The following SLC24A4 variants were observed in gnomAD, a reference collection of about 807,000 sequenced individuals.
SLC24A4 encodes the protein sodium/potassium/calcium exchanger 4.
SLC24A4 carries 53 observed loss-of-function variants against 79.0 expected under a neutral mutation model. That is an observed-to-expected ratio of 0.67 (90% confidence interval 0.54 to 0.84). The LOEUF is 0.84. Ranked by LOEUF, SLC24A4 falls within the 40% of genes least tolerant of loss-of-function variation. SLC24A4 has a pLI of 0.00. For synonymous variants in SLC24A4, 323 were observed against 323.8 expected (o/e 1.00, Z 0.03); for missense variants, 731 against 822.0 (o/e 0.89, Z 1.35).
intron 2 of SLC24A4, among the ~76,000 whole-genome samples, chr14:92,340,582 C>CT (rs1886083109): frequency 5.7e-3 from 1 of 176 alleles, no homozygotes; most frequent in African/African-American, 0.011. Context: ...TCATGCCAAA[C>CT]CTGCAGGGGG....
intron 2 of SLC24A4, among the ~76,000 whole-genome samples, chr14:92,383,098 A>G (rs79597508): frequency 6.6e-6 from 1 of 152,070 alleles, no homozygotes; most frequent in Admixed American, 6.5e-5. Flanking sequence ...TTGACTCCCC[A>G]GCCCATCATT....
At chr14:92,388,446 C>G (rs1288032736) in intron 2 of SLC24A4, among the ~76,000 whole-genome samples, 1 of 150,312 alleles carries the variant, frequency 6.7e-6, no homozygotes, top group Non-Finnish European at 1.5e-5. Flanking sequence ...CTGTGGTTCT[C>G]CAAAGCTCCC....
At chr14:92,484,388 G>C (rs1367677835) in intron 13 of SLC24A4, 1 of 985,308 alleles carries the variant, frequency 1.0e-6, no homozygotes, top group Non-Finnish European at 1.2e-6. Context: ...ACCAGCTGGT[G>C]GAAGGTGCTG....
intron 12 of SLC24A4, among the ~76,000 whole-genome samples, chr14:92,468,286 G>A (rs1243664774): frequency 6.6e-6 from 1 of 152,232 alleles, no homozygotes; most frequent in Non-Finnish European, 1.5e-5. Context: ...ATGGAAAGAT[G>A]TCCTGTGTTC....
At chr14:92,376,253 C>A (rs1018672697) in intron 2 of SLC24A4, among the ~76,000 whole-genome samples, 1 of 152,178 alleles carries the variant, frequency 6.6e-6, no homozygotes, top group Admixed American at 6.5e-5. Flanking sequence ...ATAGAACCTA[C>A]CTCACAGGGT....
At chr14:92,327,255 C>G (rs190398500) in intron 2 of SLC24A4, among the ~76,000 whole-genome samples, 2 of 152,152 alleles carry the variant, frequency 1.3e-5, no homozygotes, top group African/African-American at 2.4e-5. Context: ...CCGGGAGGGA[C>G]GTGGTGGTGG....
intron 2 of SLC24A4, among the ~76,000 whole-genome samples, chr14:92,415,078 G>C (rs1030345479): frequency 6.6e-6 from 1 of 152,182 alleles, no homozygotes; most frequent in Admixed American, 6.5e-5. Context: ...GGTTCACCTC[G>C]TGCTGGCAGG....
chr14:92,416,112 T>TTG (rs1352039812), intron 2 of SLC24A4, among the ~76,000 whole-genome samples: 1 of 139,284 alleles, frequency 7.2e-6, no homozygotes, highest in East Asian at 2.3e-4. Context: ...GTGTGTGTAT[T>TTG]TGTGTGTGTG....
intron 2 of SLC24A4, among the ~76,000 whole-genome samples, chr14:92,410,534 TGA>T (rs2141789490): frequency 6.6e-6 from 1 of 152,278 alleles, no homozygotes; most frequent in East Asian, 1.9e-4. Flanking sequence ...TGGATGCCCA[TGA>T]GAGAGTGTCA....
intron 12 of SLC24A4, among the ~76,000 whole-genome samples, chr14:92,482,344 A>G (rs895798180): frequency 1.3e-5 from 2 of 152,230 alleles, no homozygotes; most frequent in African/African-American, 4.8e-5. Flanking sequence ...CTTCCAGCCC[A>G]GGGCTGTCTG....
intron 2 of SLC24A4, among the ~76,000 whole-genome samples, chr14:92,343,903 A>G (rs1886378912): frequency 6.6e-6 from 1 of 152,108 alleles, no homozygotes; most frequent in Non-Finnish European, 1.5e-5. Flanking sequence ...AGGTTTCACC[A>G]TGTTGGCCAG....
At chr14:92,417,320 T>C (rs1332770407) in intron 2 of SLC24A4, among the ~76,000 whole-genome samples, 1 of 152,142 alleles carries the variant, frequency 6.6e-6, no homozygotes, top group Admixed American at 6.5e-5. Context: ...ATTTTTGATT[T>C]AAAAATTTAA....
At chr14:92,338,921 C>T (rs972237750) in intron 2 of SLC24A4, among the ~76,000 whole-genome samples, 5 of 152,178 alleles carry the variant, frequency 3.3e-5, no homozygotes, top group Admixed American at 6.5e-5. Context: ...AGACAGGAGT[C>T]GGACATAGAC....
intron 12 of SLC24A4, chr14:92,462,893 G>C (rs547770395): frequency 6.6e-6 from 1 of 152,196 alleles, no homozygotes; most frequent in Non-Finnish European, 1.5e-5. Flanking sequence ...GATGTGCTTA[G>C]GGGACAACAC....
At chr14:92,408,227 T>C (rs1436813699) in intron 2 of SLC24A4, among the ~76,000 whole-genome samples, 1 of 147,464 alleles carries the variant, frequency 6.8e-6, no homozygotes, top group East Asian at 2.1e-4. Flanking sequence ...GGGGAATAAG[T>C]CAGGATAGAA....
At chr14:92,366,285 GT>G (rs1391405451) in intron 2 of SLC24A4, among the ~76,000 whole-genome samples, 2 of 152,208 alleles carry the variant, frequency 1.3e-5, no homozygotes, top group African/African-American at 4.8e-5. Flanking sequence ...TCCTGCTGGT[GT>G]ACCAAGACCC....
intron 2 of SLC24A4, among the ~76,000 whole-genome samples, chr14:92,381,656 A>C (rs1888858544): frequency 6.6e-6 from 1 of 152,340 alleles, no homozygotes; most frequent in Non-Finnish European, 1.5e-5. Context: ...GCCTTTGCAC[A>C]GTAGTTTTAA....
At chr14:92,452,990 C>G (rs1359249078) in intron 10 of SLC24A4, 1 of 152,224 alleles carries the variant, frequency 6.6e-6, no homozygotes, top group Non-Finnish European at 1.5e-5. Context: ...TTTTATAGCC[C>G]TTTGGAGGGG....
At chr14:92,469,601 G>A (rs907490903) in intron 12 of SLC24A4, among the ~76,000 whole-genome samples, 73 of 152,106 alleles carry the variant, frequency 4.8e-4, no homozygotes, top group African/African-American at 1.6e-3. Context: ...ATGTCCACAT[G>A]CAAACTTATA....
Sources: allele counts gnomAD v4.1 joint callset (sites outside exome capture counted in the v4.1 genomes callset), GRCh38; gene constraint gnomAD v4.1.1; transcripts MANE v1.5; gene names NCBI Gene and HGNC (gene_info 2026-07-23, HGNC 2026-07-21).